FSTL5: variants seen among roughly 807,000 people sequenced by gnomAD.
FSTL5 encodes follistatin-related protein 5.
In FSTL5, 62 loss-of-function variants were observed where a neutral mutation model predicts 89.1. The ratio of observed to expected loss-of-function variants is 0.70; its 90% CI spans 0.57 to 0.86. The LOEUF (loss-of-function observed/expected upper bound fraction) is 0.86. Among genes scored for constraint, FSTL5 ranks in the 40% least tolerant of loss-of-function variants. FSTL5 has a pLI of 0.00. For missense variants in FSTL5, 1,057 were observed against 1,001.6 expected, an observed-to-expected ratio of 1.06 and a Z score of -0.75; for synonymous variants, 383 against 346.2, an observed-to-expected ratio of 1.11 and a Z score of -1.18.
chr4:162,037,286 T>C (rs998538572), intron 2 of FSTL5, among the ~76,000 whole-genome samples: 1 of 151,724 alleles, frequency 6.6e-6, no homozygotes, highest in Non-Finnish European at 1.5e-5. Context: ...ATGCAGGAGG[T>C]TTCTAGGTTT....
intron 11 of FSTL5, among the ~76,000 whole-genome samples, chr4:161,507,301 TATTAA>T (rs907405325): frequency 6.6e-6 from 1 of 151,900 alleles, no homozygotes; most frequent in African/African-American, 2.4e-5. Flanking sequence ...GAAAATACTT[TATTAA>T]ATTATATTTA....
chr4:161,764,042 T>TTA (rs1740902992), intron 5 of FSTL5, among the ~76,000 whole-genome samples: 1 of 152,110 alleles, frequency 6.6e-6, no homozygotes, highest in African/African-American at 2.4e-5. Flanking sequence ...GTGCTGGAGG[T>TTA]GAATTAATAA....
chr4:161,759,934 CA>C (rs1467455295), intron 5 of FSTL5, among the ~76,000 whole-genome samples: 1 of 152,026 alleles, frequency 6.6e-6, no homozygotes, highest in Non-Finnish European at 1.5e-5. Flanking sequence ...TCTTTCCCAA[CA>C]AAAATAGTGA....
At chr4:161,766,879 CAGAT>C (rs1241010837) in intron 5 of FSTL5, among the ~76,000 whole-genome samples, 6 of 150,424 alleles carry the variant, frequency 4.0e-5, no homozygotes, top group Admixed American at 3.3e-4. Context: ...TATACAGATA[CAGAT>C]AGATAGACAA....
At position 161,976,254 on chromosome 4, in the gene FSTL5, G is replaced by T. The variant is rs17041806; in HGVS notation, c.161-55602C>A. ...AGTAGATTACAGAGATGGGGAATTAGTGCTACTACATCTGACTTTCTTCAC... is the reference window on the plus strand; with the variant it reads ...AGTAGATTACAGAGATGGGGAATTATTGCTACTACATCTGACTTTCTTCAC... On this transcript the variant is annotated intron_variant, in intron 3 of 15. Transcript: ENST00000306100. Among the ~76,000 whole-genome samples the T allele has an allele frequency of 1.0e-2, 1,517 of 152,050 alleles. 25 individuals are homozygous for T. The highest frequency in any genetic ancestry group is 0.034 in the African/African-American group (1,419 of 41,486).
chr4:161,764,292 CTTG>C (rs1387383498), intron 5 of FSTL5, among the ~76,000 whole-genome samples: 1 of 152,088 alleles, frequency 6.6e-6, no homozygotes, highest in Non-Finnish European at 1.5e-5. Context: ...GAGTTTCACT[CTTG>C]TTGTCCAGGC....
At chr4:162,020,631 A>G (rs911994802) in intron 3 of FSTL5, among the ~76,000 whole-genome samples, 1 of 152,100 alleles carries the variant, frequency 6.6e-6, no homozygotes, top group African/African-American at 2.4e-5. Context: ...AGCGAATGTC[A>G]AAGCCAAGTT....
At chr4:161,498,983 G>A (rs988889036) in intron 12 of FSTL5, among the ~76,000 whole-genome samples, 3 of 152,010 alleles carry the variant, frequency 2.0e-5, no homozygotes, top group South Asian at 4.2e-4. Flanking sequence ...GGTGCATCAC[G>A]AGGTCAGGAG....
chr4:161,408,976 A>C (rs1161832199), intron 15 of FSTL5, among the ~76,000 whole-genome samples: 1 of 152,244 alleles, frequency 6.6e-6, no homozygotes, highest in Non-Finnish European at 1.5e-5. Context: ...GAAAGAATAA[A>C]TAACTTATAT....
At chr4:162,051,558 C>A (rs1223065959) in intron 2 of FSTL5, among the ~76,000 whole-genome samples, 1 of 151,482 alleles carries the variant, frequency 6.6e-6, no homozygotes, top group South Asian at 2.1e-4. Flanking sequence ...TTCTTTTAAA[C>A]ACACATTAAC....
At chr4:161,811,372 T>C (rs1405375382) in intron 4 of FSTL5, among the ~76,000 whole-genome samples, 1 of 152,226 alleles carries the variant, frequency 6.6e-6, no homozygotes, top group Non-Finnish European at 1.5e-5. Context: ...TATTTTAAAA[T>C]GTTTTCCTTT....
At chr4:161,579,737 A>G (rs973331601) in intron 8 of FSTL5, among the ~76,000 whole-genome samples, 15 of 104,394 alleles carry the variant, frequency 1.4e-4, no homozygotes, top group Non-Finnish European at 3.3e-4. Flanking sequence ...CAAACAAAAA[A>G]AAAAAAAGAA....
chr4:161,387,645 T>C (rs1210050125), intron 15 of FSTL5: 1 of 151,958 alleles, frequency 6.6e-6, no homozygotes, highest in African/African-American at 2.4e-5. Context: ...CTCAAAAATA[T>C]AAATAAACAT....
At chr4:161,889,845 T>C (rs1323764648) in intron 4 of FSTL5, among the ~76,000 whole-genome samples, 1 of 152,204 alleles carries the variant, frequency 6.6e-6, no homozygotes, top group Non-Finnish European at 1.5e-5. Flanking sequence ...AATTTTTCTC[T>C]AATAAACATT....
intron 12 of FSTL5, among the ~76,000 whole-genome samples, chr4:161,481,660 AAATTATAATAAGATAGTTATTCAC>A (rs1282398646): frequency 1.4e-4 from 22 of 152,336 alleles, no homozygotes; most frequent in Non-Finnish European, 2.1e-4. Context: ...AGGCTTAAAT[AAATTATAATAAGATAGTTATTCAC>A]AATGGTTATT....
chr4:161,734,956 T>C (rs1053743146), intron 6 of FSTL5, among the ~76,000 whole-genome samples: 1 of 152,070 alleles, frequency 6.6e-6, no homozygotes, highest in Non-Finnish European at 1.5e-5. Flanking sequence ...ATCCTCCAAC[T>C]CAATTCATTT....
chr4:161,487,043 T>C lies in FSTL5; in HGVS notation c.1459-5874A>G, dbSNP rs571542208. On this transcript the variant is annotated intron_variant, in intron 12 of 15. Coordinates refer to ENST00000306100, the MANE Select transcript of FSTL5 (RefSeq NM_020116.5). ...CACCTACATAATTCATTCCTAACTT[T>C]GAGGTGTTTCACTGATTTTTTTCTT... is the stretch of plus-strand genomic sequence containing the variant. 2.9e-3 allele frequency among the ~76,000 whole-genome samples: 435 copies of C among 152,296 alleles called. 4 individuals carry two copies. The highest frequency in any genetic ancestry group is 0.01 in the African/African-American group (424 of 41,578).
At chr4:161,429,067 G>A (rs991976700) in intron 15 of FSTL5, among the ~76,000 whole-genome samples, 5 of 152,110 alleles carry the variant, frequency 3.3e-5, no homozygotes, top group African/African-American at 7.2e-5. Flanking sequence ...GGGATTGAGT[G>A]TAGCCAGGCA....
intron 1 of FSTL5, among the ~76,000 whole-genome samples, chr4:162,150,341 G>T (rs947838012): frequency 2.0e-4 from 30 of 152,094 alleles, no homozygotes; most frequent in African/African-American, 7.2e-4. Context: ...GGCAGTATGG[G>T]CTGTAACCTC....
Sources: allele counts gnomAD v4.1 joint callset (sites outside exome capture counted in the v4.1 genomes callset), GRCh38; gene constraint gnomAD v4.1.1; transcripts MANE v1.5; gene names NCBI Gene and HGNC (gene_info 2026-07-23, HGNC 2026-07-21).